The following IPMK variants were observed in gnomAD, a reference collection of about 807,000 sequenced individuals.
IPMK encodes inositol polyphosphate multikinase, also known as inositol 1,3,4,6-tetrakisphosphate 5-kinase.
In IPMK, 17 loss-of-function variants were observed where a neutral mutation model predicts 45.8. That is an observed-to-expected ratio of 0.37 (90% CI 0.25 to 0.56). The LOEUF (loss-of-function observed/expected upper bound fraction) is 0.56, where lower values mean the gene tolerates loss of function less well. IPMK is among the 20% of genes least tolerant of loss of function. The pLI, the probability that IPMK is intolerant of heterozygous loss-of-function variation, is 0.79. For synonymous variants in IPMK, 180 were observed against 184.3 expected (o/e 0.98, Z 0.19); for missense variants, 399 against 498.0 (o/e 0.80, Z 1.89).
chr10:58,208,506 ATTTAC>A (rs1397213970), intron 4 of IPMK, among the ~76,000 whole-genome samples: 22 of 151,522 alleles, frequency 1.5e-4, no homozygotes, highest in Admixed American at 1.4e-3. Flanking sequence ...ACTGTTTTTT[ATTTAC>A]TTTTTCTCTC....
intron 2 of IPMK, among the ~76,000 whole-genome samples, chr10:58,232,923 G>A (rs186154177): frequency 3.1e-4 from 47 of 152,166 alleles, no homozygotes; most frequent in Non-Finnish European, 6.3e-4. Flanking sequence ...AAAACTGATA[G>A]ACCACTAGCA....
At chr10:58,229,017 CAG>C (rs921976440) in intron 2 of IPMK, among the ~76,000 whole-genome samples, 2 of 152,012 alleles carry the variant, frequency 1.3e-5, no homozygotes, top group African/African-American at 2.4e-5. Context: ...GAGCTGAGGA[CAG>C]AGTTACTATA....
intron 1 of IPMK, among the ~76,000 whole-genome samples, chr10:58,246,672 T>TA (rs1437871923): frequency 1.3e-5 from 2 of 149,974 alleles, no homozygotes; most frequent in Non-Finnish European, 2.9e-5. Flanking sequence ...ATTAAAGACT[T>TA]AAACGCTAGA....
chr10:58,232,041 A>G (rs897105677), intron 2 of IPMK, among the ~76,000 whole-genome samples: 3 of 152,238 alleles, frequency 2.0e-5, no homozygotes, highest in African/African-American at 7.2e-5. Flanking sequence ...GTCTCTGATA[A>G]AACAGACTTT....
rs961335870 is a variant in IPMK, at chr10:58,194,260, A to T, written c.*1816T>A. On this transcript the variant is annotated 3_prime_UTR_variant, in exon 6 of 6. Coordinates refer to ENST00000373935, the MANE Select transcript of IPMK (RefSeq NM_152230.5). ...ATTATCTGAGCTTAAGATTTATTGA[A>T]CCACTATCCAAATAACAACAAAATC... 1 of 151,970 alleles carries T rather than the reference A, an allele frequency of 6.6e-6. No individual in the cohort carries two copies. The highest frequency in any genetic ancestry group is 2.1e-4 in the South Asian group (1 of 4,826). 9.4% of individuals were successfully genotyped at this position (151,970 alleles called of 1,614,324 possible).
chr10:58,212,842 G>T, intron 4 of IPMK: 1 of 229,270 alleles, frequency 4.4e-6, no homozygotes. Context: ...GATAACTGTG[G>T]TTTTGGTACC....
chr10:58,263,497 C>G (rs185413640), intron 1 of IPMK, among the ~76,000 whole-genome samples: 5 of 150,864 alleles, frequency 3.3e-5, no homozygotes, highest in African/African-American at 1.2e-4. Flanking sequence ...GTTCTCCAGC[C>G]TGGGCAACAG....
chr10:58,228,580 C>A (rs1214840058), intron 2 of IPMK, among the ~76,000 whole-genome samples: 1 of 152,240 alleles, frequency 6.6e-6, no homozygotes, highest in Non-Finnish European at 1.5e-5. Context: ...GTCACCTACA[C>A]TGGAGTGCAG....
chr10:58,250,387 C>T (rs1307543681), intron 1 of IPMK, among the ~76,000 whole-genome samples: 1 of 151,422 alleles, frequency 6.6e-6, no homozygotes. Context: ...AGATATTTCA[C>T]TTTTTTGGTT....
rs1837845115 is a variant in IPMK, at chr10:58,193,457, CTATT to C, written c.*2615_*2618del. ...ATTTCCATAACTGTTTCTTGAAAAA[CTATT>C]TAGATAAAATATTTAGCATTTATCA... is the stretch of plus-strand genomic sequence containing the variant. On this transcript the variant is annotated 3_prime_UTR_variant, in exon 6 of 6. Coordinates refer to ENST00000373935, the MANE Select transcript of IPMK (RefSeq NM_152230.5). The C allele has an allele frequency of 1.3e-5, 2 of 151,836 alleles. No individual in the cohort carries two copies. Among genetic ancestry groups the C allele is most frequent in the South Asian group, 2.1e-4 (1 of 4,820 alleles). 9.4% of individuals were successfully genotyped at this position (151,836 alleles called of 1,614,324 possible).
intron 4 of IPMK, among the ~76,000 whole-genome samples, 183 bp downstream of exon 4, chr10:58,215,962 T>C (rs1329249556): frequency 1.3e-5 from 2 of 152,056 alleles, no homozygotes; most frequent in Middle Eastern, 3.4e-3. Context: ...TGACCATATA[T>C]CAGTGAACAA....
intron 1 of IPMK, among the ~76,000 whole-genome samples, chr10:58,243,203 G>C (rs74859805): frequency 6.6e-6 from 1 of 152,078 alleles, no homozygotes; most frequent in Non-Finnish European, 1.5e-5. Flanking sequence ...AGAAGTGGAA[G>C]CAACTTCTAT....
intron 5 of IPMK, 114 bp downstream of exon 5, chr10:58,199,126 T>TA (rs1329502390): frequency 3.3e-6 from 2 of 611,206 alleles, no homozygotes; most frequent in Admixed American, 6.8e-5. Flanking sequence ...CATTATTATT[T>TA]AAAAAATGTT....
intron 5 of IPMK, 123 bp downstream of exon 5, chr10:58,199,117 A>C: frequency 1.7e-6 from 1 of 587,284 alleles, no homozygotes; most frequent in Non-Finnish European, 2.9e-6. Flanking sequence ...TCTAAGTTTC[A>C]TTATTATTTA....
At chr10:58,228,244 T>C (rs1006193168) in intron 2 of IPMK, among the ~76,000 whole-genome samples, 13 of 152,158 alleles carry the variant, frequency 8.5e-5, no homozygotes, top group African/African-American at 3.1e-4. Context: ...TGTACTGATC[T>C]AAAGAACTCC....
At position 58,257,625 on chromosome 10, in the gene IPMK, C is replaced by T. The variant is rs564434212; in HGVS notation, c.190+9797G>A. 1.1e-4 allele frequency among the ~76,000 whole-genome samples: 16 copies of T among 152,198 alleles called. No individual in the cohort carries two copies. In the East Asian group the frequency reaches 2.1e-3, roughly 20 times the overall value. ...CTAAAAGTATTAAGAAACATAAAAA[C>T]GTACAGCCAAGATGCTCAGAGAATC... On this transcript the variant is annotated intron_variant, in intron 1 of 5. Transcript: ENST00000373935.
intron 1 of IPMK, among the ~76,000 whole-genome samples, chr10:58,247,585 C>G (rs1398018589): frequency 2.0e-5 from 3 of 150,390 alleles, no homozygotes; most frequent in Non-Finnish European, 4.4e-5. Context: ...TATTCTTACT[C>G]ATAGGTGGGA....
chr10:58,259,413 C>A (rs1839022173), intron 1 of IPMK, among the ~76,000 whole-genome samples: 1 of 151,734 alleles, frequency 6.6e-6, no homozygotes, highest in South Asian at 2.1e-4. Flanking sequence ...CAAGCAGCAA[C>A]AATAATGGAT....
intron 2 of IPMK, among the ~76,000 whole-genome samples, chr10:58,230,075 T>C (rs972058429): frequency 6.6e-6 from 1 of 152,098 alleles, no homozygotes; most frequent in African/African-American, 2.4e-5. Context: ...CAGTCTGAGA[T>C]CGAACTGCGA....
Sources: allele counts gnomAD v4.1 joint callset (sites outside exome capture counted in the v4.1 genomes callset), GRCh38; gene constraint gnomAD v4.1.1; transcripts MANE v1.5; gene names NCBI Gene and HGNC (gene_info 2026-07-23, HGNC 2026-07-21).